BTBD3: variants seen among roughly 807,000 people sequenced by gnomAD.
BTBD3 encodes BTB/POZ domain-containing protein 3.
A neutral mutation model predicts 41.6 loss-of-function variants in BTBD3; 14 were observed. The ratio of observed to expected loss-of-function variants is 0.34; its 90% CI spans 0.22 to 0.53. The LOEUF is 0.53. Among genes scored for constraint, BTBD3 ranks in the 20% least tolerant of loss-of-function variants. The pLI is 0.95. For missense variants in BTBD3, 426 were observed against 654.7 expected (o/e 0.65, Z 3.81); for synonymous variants, 249 against 233.7 (o/e 1.07, Z -0.60).
intron 3 of BTBD3, 44 bp downstream of exon 3, chr20:11,919,880 A>G (rs763843905): frequency 2.0e-6 from 3 of 1,500,004 alleles, no homozygotes; most frequent in Non-Finnish European, 2.8e-6. Context: ...TTTATGCTGT[A>G]TTTGTACCCT....
chr20:11,891,071 G>A (rs2056748630), intron 1 of BTBD3: 2 of 725,766 alleles, frequency 2.8e-6, no homozygotes, highest in Non-Finnish European at 3.4e-6. Context: ...GAAGCGAGGA[G>A]AGGCCGGGCT....
upstream of BTBD3, among the ~76,000 whole-genome samples, chr20:11,915,710 C>T (rs6074368): frequency 6.6e-6 from 1 of 152,264 alleles, no homozygotes; most frequent in East Asian, 1.9e-4. Context: ...CTCATCAGTC[C>T]TTACATACAT....
rs1212529190 is a variant in BTBD3 at position 11,925,484 on chromosome 20, G to T, written c.*1818G>T. The T allele has an allele frequency of 1.3e-5, 2 of 152,646 alleles. No homozygotes were observed. The highest frequency in any genetic ancestry group is 2.9e-5 in the Non-Finnish European group (2 of 68,044). 9.5% of individuals were successfully genotyped at this position (152,646 alleles called of 1,614,324 possible). A position where few individuals can be genotyped will look rare whatever the true frequency, so the allele number is the denominator to read the frequency against. ...ATTACCTACATCTATTAGCATAGAT[G>T]ATGAAAAGCTGTTACTGGTGATTAT... On this transcript the variant is annotated 3_prime_UTR_variant, in exon 4 of 4. Transcript: ENST00000378226.
At chr20:11,916,808 G>A (rs1249502608), upstream of BTBD3, among the ~76,000 whole-genome samples, 1 of 152,106 alleles carries the variant, frequency 6.6e-6, no homozygotes, top group East Asian at 1.9e-4. Context: ...AAATGAGCGT[G>A]ATCCAAATAG....
chr20:11,911,637 A>G (rs2056890190), intron 1 of BTBD3, among the ~76,000 whole-genome samples: 1 of 152,252 alleles, frequency 6.6e-6, no homozygotes, highest in Non-Finnish European at 1.5e-5. Context: ...GGCTGCATTC[A>G]AAGCCATCCT....
In BTBD3 at chr20:11,922,802, C is replaced by T. The variant is rs747305272; in HGVS notation, c.705C>T (p.Phe235=). The change falls in exon 4 of 4, where the codon TTC becomes TTT. Residue 235 remains phenylalanine, a synonymous_variant. Coordinates refer to ENST00000378226, the MANE Select transcript of BTBD3 (RefSeq NM_014962.4). ...ACVLLSQSCL[F]EEPDLTQRCW... The stretch of plus-strand genomic sequence containing the variant: ...TGCTCCTCTCCCAGAGCTGCCTGTT[C>T]GAGGAGCCAGACCTGACCCAGCGTT... 54 of 1,614,066 alleles carry T rather than the reference C, an allele frequency of 3.3e-5. No individual in the cohort carries two copies. Among genetic ancestry groups the T allele is most frequent in the Admixed American group, 6.7e-5 (4 of 60,006 alleles).
chr20:11,903,726 C>T (rs1295760518), intron 1 of BTBD3, among the ~76,000 whole-genome samples: 2 of 152,012 alleles, frequency 1.3e-5, no homozygotes, highest in East Asian at 1.9e-4. Context: ...TCTGCTTCAG[C>T]GTCCGGAGTA....
chr20:11,894,755 T>C (rs1322747073), intron 1 of BTBD3, among the ~76,000 whole-genome samples: 1 of 152,136 alleles, frequency 6.6e-6, no homozygotes, highest in East Asian at 1.9e-4. Context: ...TATGATTTTT[T>C]CCTTGTATTT....
At chr20:11,908,798 C>G (rs926455203) in intron 1 of BTBD3, among the ~76,000 whole-genome samples, 1 of 151,926 alleles carries the variant, frequency 6.6e-6, no homozygotes, top group Non-Finnish European at 1.5e-5. Context: ...TTATCAGTGT[C>G]GAATTATTAT....
At chr20:11,917,772 C>T, upstream of BTBD3, 1 of 200,862 alleles carries the variant, frequency 5.0e-6, no homozygotes, top group Non-Finnish European at 8.9e-6. Context: ...ATGCATGTTA[C>T]AATAGGTGTC....
At chr20:11,905,837 T>G (rs1303460192) in intron 1 of BTBD3, among the ~76,000 whole-genome samples, 1 of 152,214 alleles carries the variant, frequency 6.6e-6, no homozygotes, top group Non-Finnish European at 1.5e-5. Flanking sequence ...TTGTTCTGCA[T>G]CACCACTAGC....
chr20:11,891,139 G>T (rs923884507), intron 1 of BTBD3, among the ~76,000 whole-genome samples: 2 of 150,420 alleles, frequency 1.3e-5, no homozygotes, highest in South Asian at 2.1e-4. Context: ...TCCGTCCCCC[G>T]GGCTCGAGAG....
intron 1 of BTBD3, among the ~76,000 whole-genome samples, chr20:11,903,467 A>AT (rs367749860): frequency 1.9e-3 from 292 of 152,106 alleles, no homozygotes; most frequent in African/African-American, 6.7e-3. Flanking sequence ...CTCATTTACA[A>AT]TTTTTTTCTT....
chr20:11,922,825 G>A lies in BTBD3; in HGVS notation c.728G>A (p.Arg243His), dbSNP rs774820282. Residue 243 changes from arginine to histidine, a missense_variant, in exon 4 of 4, where the codon CGT becomes CAT. Around this residue, in one of 3 missense-constraint regions of BTBD3, gnomAD observed 321 missense variants for 534.8 expected, o/e 0.60. Transcript: ENST00000378226. ...TTCGAGGAGCCAGACCTGACCCAGC[G>A]TTGCTGGGAGGTGATTGATGCCCAG... is the stretch of plus-strand genomic sequence containing the variant. Reference protein sequence around the residue: ...CLFEEPDLTQRCWEVIDAQAE... With the variant: ...CLFEEPDLTQHCWEVIDAQAE... The A allele has an allele frequency of 5.0e-6, 8 of 1,614,080 alleles. No individual in the cohort carries two copies. Among genetic ancestry groups the A allele is most frequent in the Admixed American group, 3.3e-5 (2 of 60,008 alleles).
chr20:11,892,912 C>T (rs1258848979), intron 1 of BTBD3, among the ~76,000 whole-genome samples: 2 of 152,024 alleles, frequency 1.3e-5, no homozygotes, highest in African/African-American at 2.4e-5. Flanking sequence ...TTGTTTTGTT[C>T]CTAGAAAGTA....
intron 1 of BTBD3, among the ~76,000 whole-genome samples, chr20:11,893,148 A>G (rs2056766456): frequency 6.6e-6 from 1 of 152,190 alleles, no homozygotes; most frequent in Non-Finnish European, 1.5e-5. Context: ...TCTTCTGAAC[A>G]AAATAGTACA....
rs978337803 is a variant in BTBD3, at chr20:11,919,541, C to T, written c.418-177C>T. 7.8e-6 allele frequency: 9 copies of T among 1,146,948 alleles called. No individual in the cohort carries two copies. In the Admixed American group the frequency reaches 1.4e-4, roughly 18 times the overall value. The allele number at this position is 1,146,948 out of a possible 1,614,324, so 71.0% of individuals were successfully genotyped here. On this transcript the variant is annotated intron_variant, in intron 2 of 3. Transcript: ENST00000378226. ...TCTCTTAAAGCTTTGAAATAATTAGCAGCATGGTCTTATGCTTCCATGGCA... is the reference window on the plus strand; with the variant it reads ...TCTCTTAAAGCTTTGAAATAATTAGTAGCATGGTCTTATGCTTCCATGGCA...
At chr20:11,920,160 G>A (rs1023928003) in intron 3 of BTBD3, among the ~76,000 whole-genome samples, 1 of 152,182 alleles carries the variant, frequency 6.6e-6, no homozygotes, top group East Asian at 1.9e-4. Flanking sequence ...CTCTCTGAAA[G>A]CATTGTGTGT....
In BTBD3 at chr20:11,918,514, T is replaced by C. The variant is rs2056937710; in HGVS notation, c.239T>C (p.Val80Ala). Residue 80 changes from valine to alanine, a missense_variant, in exon 1 of 4, where the codon GTC becomes GCC. Val to Ala is a moderately conservative substitution (Grantham distance 64). Coordinates refer to ENST00000378226, the MANE Select transcript of BTBD3 (RefSeq NM_014962.4). The stretch of plus-strand genomic sequence containing the variant: ...CCAGCCAACTCCAGCAGCACCAGCG[T>C]CCAGCAGTACCACCAGCAGAATCTC... ...KKPANSSSTS[V>A]QQYHQQNLSN... 1.2e-6 allele frequency: 2 copies of C among 1,614,156 alleles called. No homozygotes were observed. Among genetic ancestry groups the C allele is most frequent in the Non-Finnish European group, 1.7e-6 (2 of 1,180,006 alleles).
Sources: gnomAD v4.1 joint callset for allele counts (sites outside exome capture counted in the v4.1 genomes callset) on GRCh38, gnomAD v4.1.1 for gene constraint, gnomAD v4.1.1 regional missense constraint, MANE v1.5 for transcripts, NCBI Gene and HGNC (gene_info 2026-07-23, HGNC 2026-07-21) for gene names.